The following SLC26A7 variants were observed in gnomAD, a reference collection of about 807,000 sequenced individuals.
SLC26A7 encodes anion exchange transporter.
In SLC26A7, 59 loss-of-function variants were observed where a neutral mutation model predicts 82.5. That is an observed-to-expected ratio of 0.72 (90% CI 0.58 to 0.89). The LOEUF is 0.89. SLC26A7 is among the 40% of genes least tolerant of loss of function. The pLI, the probability that SLC26A7 is intolerant of heterozygous loss-of-function variation, is 0.00. For missense variants in SLC26A7, 820 were observed against 793.0 expected (o/e 1.03, Z -0.41); for synonymous variants, 271 against 274.3 (o/e 0.99, Z 0.12).
chr8:91,290,745 C>G (rs1811842202), intron 3 of SLC26A7, among the ~76,000 whole-genome samples: 1 of 152,134 alleles, frequency 6.6e-6, no homozygotes, highest in African/African-American at 2.4e-5. Context: ...AGGATGGGAA[C>G]ATATTTGAGA....
chr8:91,339,555 A>G (rs1813341159), intron 7 of SLC26A7, among the ~76,000 whole-genome samples: 1 of 152,138 alleles, frequency 6.6e-6, no homozygotes, highest in Non-Finnish European at 1.5e-5. Flanking sequence ...GAAAGGGCCA[A>G]GCATTCTACT....
chr8:91,390,498 G>C (rs1303275820), intron 16 of SLC26A7, among the ~76,000 whole-genome samples: 1 of 151,882 alleles, frequency 6.6e-6, no homozygotes, highest in African/African-American at 2.4e-5. Context: ...ATTGGTGGTG[G>C]TGGGACGTCT....
intron 15 of SLC26A7, among the ~76,000 whole-genome samples, chr8:91,386,098 G>T (rs1300623548): frequency 6.6e-6 from 1 of 152,092 alleles, no homozygotes; most frequent in Non-Finnish European, 1.5e-5. Context: ...CATTAGCCAT[G>T]TTTGCCATGG....
chr8:91,353,036 T>A, intron 11 of SLC26A7, 40 bp downstream of exon 11: 1 of 1,394,148 alleles, frequency 7.2e-7, no homozygotes, highest in Non-Finnish European at 1.0e-6. Context: ...CTTTTTAGCT[T>A]AAGCTTATGT....
At chr8:91,264,891 G>A (rs1336758313) in intron 2 of SLC26A7, among the ~76,000 whole-genome samples, 1 of 151,802 alleles carries the variant, frequency 6.6e-6, no homozygotes, top group South Asian at 2.1e-4. Flanking sequence ...TTTTTTTGTG[G>A]TAATAACTTT....
chr8:91,334,856 A>G (rs981131943), intron 6 of SLC26A7, among the ~76,000 whole-genome samples: 1 of 152,156 alleles, frequency 6.6e-6, no homozygotes, highest in African/African-American at 2.4e-5. Context: ...TTATCAATTG[A>G]TAAATGTTCA....
rs180691973 is a variant in SLC26A7, at chr8:91,358,933, G to T, written c.1315-3420G>T. 3.1e-3 allele frequency among the ~76,000 whole-genome samples: 469 copies of T among 152,240 alleles called. 3 individuals are homozygous for T. Among genetic ancestry groups the T allele is most frequent in the Non-Finnish European group, 3.9e-3 (267 of 68,024 alleles). ...ACATCAACACCAGGGCCGGTTGTGG[G>T]TTGGGGGGACGGGGGAGGGATAGAA... On this transcript the variant is annotated intron_variant, in intron 11 of 18. Coordinates refer to ENST00000276609, the MANE Select transcript of SLC26A7 (RefSeq NM_052832.4).
intron 2 of SLC26A7, among the ~76,000 whole-genome samples, chr8:91,235,999 A>G (rs1399990481): frequency 6.6e-6 from 1 of 152,174 alleles, no homozygotes; most frequent in Non-Finnish European, 1.5e-5. Context: ...TTTTACTTAG[A>G]TGCATAACTT....
rs1491563668 is a variant in SLC26A7 at position 91,368,426 on chromosome 8, T to TG, written c.1627-1359_1627-1358insG. On this transcript the variant is annotated intron_variant, in intron 14 of 18. Coordinates refer to ENST00000276609, the MANE Select transcript of SLC26A7 (RefSeq NM_052832.4). ...ATTTCAGATGAGGTTTTTTTTTTTG[T>TG]TTTTTTTTTTGAGACGGAGTCTCAT... Among the ~76,000 whole-genome samples, 141 of 147,458 alleles carry TG rather than the reference T, an allele frequency of 9.6e-4. 1 individual carries two copies. The highest frequency in any genetic ancestry group is 1.7e-3 in the African/African-American group (67 of 40,384).
intron 11 of SLC26A7, among the ~76,000 whole-genome samples, chr8:91,361,747 AT>A (rs1459590981): frequency 2.0e-5 from 3 of 152,112 alleles, no homozygotes; most frequent in Non-Finnish European, 4.4e-5. Flanking sequence ...ATCTTTTGAA[AT>A]GTTCCCCAAA....
chr8:91,345,558 G>A (rs575791859), intron 9 of SLC26A7, among the ~76,000 whole-genome samples: 1 of 152,172 alleles, frequency 6.6e-6, no homozygotes, highest in African/African-American at 2.4e-5. Context: ...TATTACTATT[G>A]TTATTTAGAA....
At position 91,395,260 on chromosome 8, in the gene SLC26A7, A is replaced by G. The variant is rs1808536958; in HGVS notation, c.*163A>G. 3.6e-6 allele frequency: 5 copies of G among 1,394,396 alleles called. No homozygotes were observed. Among genetic ancestry groups the G allele is most frequent in the African/African-American group, 2.9e-5 (2 of 68,512 alleles). 86.4% of individuals were successfully genotyped at this position (1,394,396 alleles called of 1,614,324 possible). The stretch of plus-strand genomic sequence containing the variant: ...TGCATAGCAGTTGGAAAGAACTGCC[A>G]ACTTTTTTTTCTCATTTTTGTTAGT... On this transcript the variant is annotated 3_prime_UTR_variant, in exon 19 of 19. Transcript: ENST00000276609.
intron 15 of SLC26A7, among the ~76,000 whole-genome samples, chr8:91,372,491 C>A (rs1251483977): frequency 6.6e-6 from 1 of 151,746 alleles, no homozygotes; most frequent in African/African-American, 2.4e-5. Context: ...ATAAGCAATC[C>A]TTTCTTCATT....
chr8:91,393,853 T>G lies in SLC26A7; in HGVS notation c.1831+2T>G. On this transcript the variant is annotated splice_donor_variant, in intron 17 of 18. Coordinates refer to ENST00000276609, the MANE Select transcript of SLC26A7 (RefSeq NM_052832.4). LOFTEE classifies it high-confidence loss of function. ...ATGTATTGTTAGCCCATTGTACAGGTAAGAGAATGTCCCTGACTAACGTTG... is the reference window on the plus strand; with the variant it reads ...ATGTATTGTTAGCCCATTGTACAGGGAAGAGAATGTCCCTGACTAACGTTG... The G allele has an allele frequency of 6.2e-7, 1 of 1,613,654 alleles. No individual in the cohort carries two copies. Among genetic ancestry groups the G allele is most frequent in the Non-Finnish European group, 8.5e-7 (1 of 1,179,606 alleles).
chr8:91,297,006 C>T (rs1812034663), intron 4 of SLC26A7, among the ~76,000 whole-genome samples: 1 of 152,128 alleles, frequency 6.6e-6, no homozygotes, highest in South Asian at 2.1e-4. Context: ...TTGGATTTGG[C>T]ATAGGTTTTC....
chr8:91,211,616 A>AT (rs34106795), intron 1 of SLC26A7, among the ~76,000 whole-genome samples: 3,573 of 137,474 alleles, frequency 0.026, 64 homozygotes, highest in Middle Eastern at 0.064. Flanking sequence ...ATATATATAT[A>AT]TTTTTTTTTT....
intron 1 of SLC26A7, among the ~76,000 whole-genome samples, chr8:91,217,749 A>G (rs2130657930): frequency 6.6e-6 from 1 of 152,286 alleles, no homozygotes; most frequent in Non-Finnish European, 1.5e-5. Context: ...AGACAGGAAA[A>G]ACCAAGACGT....
intron 2 of SLC26A7, among the ~76,000 whole-genome samples, chr8:91,240,832 T>C (rs746468852): frequency 6.6e-6 from 1 of 152,146 alleles, no homozygotes; most frequent in Non-Finnish European, 1.5e-5. Context: ...GGAAATTCAA[T>C]TGATCCAGAA....
At chr8:91,373,336 T>C (rs1814419869) in intron 15 of SLC26A7, among the ~76,000 whole-genome samples, 1 of 152,086 alleles carries the variant, frequency 6.6e-6, no homozygotes, top group African/African-American at 2.4e-5. Flanking sequence ...TCTTTGCCAT[T>C]CAGTATGATT....
Sources: allele counts gnomAD v4.1 joint callset (sites outside exome capture counted in the v4.1 genomes callset), GRCh38; gene constraint gnomAD v4.1.1; transcripts MANE v1.5; gene names NCBI Gene and HGNC (gene_info 2026-07-23, HGNC 2026-07-21).